Variants in LPIN1 observed in about 807,000 individuals in gnomAD.
LPIN1 encodes lipin 1, also known as phosphatidate phosphatase LPIN1.
A neutral mutation model predicts 107.5 loss-of-function variants in LPIN1; 71 were observed. The observed-to-expected ratio is 0.66, with a 90% CI of 0.55 to 0.80. LPIN1 has a LOEUF of 0.80. Among genes scored for constraint, LPIN1 ranks in the 30% least tolerant of loss-of-function variants. The pLI, the probability that LPIN1 is intolerant of heterozygous loss-of-function variation, is 0.00. For synonymous variants in LPIN1, 445 were observed against 452.6 expected, an observed-to-expected ratio of 0.98 and a Z score of 0.21; for missense variants, 1,043 against 1,160.6, an observed-to-expected ratio of 0.90 and a Z score of 1.47.
Position 11,803,512 on chromosome 2 carries a change from A to G in LPIN1, c.2013+479A>G, listed in dbSNP as rs1678141275. Among the ~76,000 whole-genome samples, 1 of 152,226 alleles carries G rather than the reference A, an allele frequency of 6.6e-6. No individual in the cohort carries two copies. Among genetic ancestry groups the G allele is most frequent in the Non-Finnish European group, 1.5e-5 (1 of 68,038 alleles). Reference sequence around the variant, plus strand: ...CTTTTATTTTTCTGTGTGTGAGACCAGTTTTAATTAAAAGCCCTTTCTTGG... The same window carrying G: ...CTTTTATTTTTCTGTGTGTGAGACCGGTTTTAATTAAAAGCCCTTTCTTGG... On this transcript the variant is annotated intron_variant, in intron 15 of 20. Coordinates refer to ENST00000674199, the MANE Select transcript of LPIN1 (RefSeq NM_001349206.2). The surrounding 1 kb of genome is among the most constrained non-coding windows in gnomAD (Gnocchi z 4.2).
intron 1 of LPIN1, among the ~76,000 whole-genome samples, chr2:11,700,012 A>G (rs1349240082): frequency 6.6e-6 from 1 of 152,232 alleles, no homozygotes. Flanking sequence ...CACCTGGCAC[A>G]GCCCTTGGCA....
chr2:11,723,895 T>G (rs1664347075), upstream of LPIN1: 1 of 152,232 alleles, frequency 6.6e-6, no homozygotes. Flanking sequence ...TCATTTTATC[T>G]CTCTGATTTA....
chr2:11,791,151 A>G (rs907272595), intron 12 of LPIN1, among the ~76,000 whole-genome samples: 6 of 152,114 alleles, frequency 3.9e-5, no homozygotes, highest in South Asian at 4.1e-4. Context: ...TACATAGTAA[A>G]TTACTTATCT....
intron 1 of LPIN1, among the ~76,000 whole-genome samples, chr2:11,760,937 AAGAG>A (rs1669727658): frequency 6.6e-6 from 1 of 152,116 alleles, no homozygotes; most frequent in Non-Finnish European, 1.5e-5. Context: ...ACAGAACCGA[AAGAG>A]AGGTCACTTC....
chr2:11,792,528 A>G (rs1223394275), intron 13 of LPIN1, among the ~76,000 whole-genome samples: 1 of 151,896 alleles, frequency 6.6e-6, no homozygotes. Context: ...GATTACAGCC[A>G]TGCACCACCA....
chr2:11,712,375 T>A (rs896753717), intron 1 of LPIN1, among the ~76,000 whole-genome samples: 1 of 152,208 alleles, frequency 6.6e-6, no homozygotes, highest in Admixed American at 6.5e-5. Context: ...CACAGGCAGA[T>A]GCTTGGCTGC....
chr2:11,713,320 G>A (rs1354430136), intron 1 of LPIN1, among the ~76,000 whole-genome samples: 1 of 152,198 alleles, frequency 6.6e-6, no homozygotes, highest in African/African-American at 2.4e-5. Context: ...GCTCAGGCTG[G>A]AGTGAAGTGG....
At chr2:11,778,219 C>T (rs965786843) in intron 6 of LPIN1, among the ~76,000 whole-genome samples, 3 of 152,202 alleles carry the variant, frequency 2.0e-5, no homozygotes, top group Non-Finnish European at 4.4e-5. Context: ...TGTCCCATTG[C>T]AGAAGCTCTC....
Position 11,826,329 on chromosome 2 carries a change from T to C in LPIN1, c.*1538T>C, listed in dbSNP as rs1224190909. 1 of 152,624 alleles carries C rather than the reference T, an allele frequency of 6.6e-6. No individual in the cohort carries two copies. The highest frequency in any genetic ancestry group is 1.5e-5 in the Non-Finnish European group (1 of 68,026). The allele number at this position is 152,624 out of a possible 1,614,324, so 9.5% of individuals were successfully genotyped here. On this transcript the variant is annotated 3_prime_UTR_variant, in exon 21 of 21. Transcript: ENST00000674199. ...TTGGATGCCTTTGCCAAATGGTTCA[T>C]GTGGACACACAAAGGCAAACAGATC...
intron 2 of LPIN1, among the ~76,000 whole-genome samples, chr2:11,716,885 G>C (rs752462913): frequency 6.6e-6 from 1 of 152,178 alleles, no homozygotes; most frequent in Non-Finnish European, 1.5e-5. Context: ...CACCATTCAC[G>C]TTGTGCCTCC....
intron 20 of LPIN1, among the ~76,000 whole-genome samples, chr2:11,821,973 C>G (rs1341486473): frequency 1.3e-5 from 2 of 152,200 alleles, no homozygotes; most frequent in Non-Finnish European, 2.9e-5. Context: ...TTTCTGCCAC[C>G]TCCACTGTTC....
upstream of LPIN1, among the ~76,000 whole-genome samples, chr2:11,720,061 C>T (rs576682375): frequency 7.2e-5 from 11 of 152,196 alleles, no homozygotes; most frequent in African/African-American, 2.4e-4. Flanking sequence ...TTGCTGGAGA[C>T]ATTATATATT....
intron 1 of LPIN1, chr2:11,681,609 C>G (rs1454980899): frequency 6.6e-6 from 1 of 152,414 alleles, no homozygotes; most frequent in Non-Finnish European, 1.5e-5. Context: ...TATAGCAGTG[C>G]GAGAACAGGC....
At position 11,771,741 on chromosome 2, in the gene LPIN1, T is replaced by A. The variant is rs546916784; in HGVS notation, c.596+62T>A. 6.8e-7 allele frequency: 1 copy of A among 1,468,360 alleles called. No individual in the cohort carries two copies. The highest frequency in any genetic ancestry group is 1.2e-5 in the South Asian group (1 of 80,406). 91.0% of individuals were successfully genotyped at this position (1,468,360 alleles called of 1,614,324 possible). A position where few individuals can be genotyped will look rare whatever the true frequency, so the allele number is the denominator to read the frequency against. ...TCAGACAGTTAACTGTTCAAGATTA[T>A]TTTTATGAACTTTTCCCCCATAATT... On this transcript the variant is annotated intron_variant, in intron 4 of 20. Transcript: ENST00000674199. This position sits in a 1 kb window ranked among gnomAD's most constrained non-coding sequence, Gnocchi z 4.8.
chr2:11,724,429 G>A lies in LPIN1; in HGVS notation c.-182G>A, dbSNP rs558687068. On this transcript the variant is annotated 5_prime_UTR_variant, in exon 1 of 22. Coordinates refer to the LPIN1 transcript ENST00000396097. ...GGAACAGGAGGGAAGAGAGATGAAG[G>A]GCAAGACCGGGGCCAGCCATGCCTG... is the stretch of plus-strand genomic sequence containing the variant. The A allele has an allele frequency of 2.8e-5, 28 of 984,656 alleles. No homozygotes were observed. The South Asian group carries it at 1.2e-3, about 41-fold the overall frequency. 61.0% of individuals were successfully genotyped at this position (984,656 alleles called of 1,614,324 possible). A position where few individuals can be genotyped will look rare whatever the true frequency, so the allele number is the denominator to read the frequency against.
At chr2:11,768,919 G>C (rs543712762) in intron 3 of LPIN1, among the ~76,000 whole-genome samples, 259 of 152,224 alleles carry the variant, frequency 1.7e-3, no homozygotes, top group African/African-American at 6.0e-3. Flanking sequence ...CTGGGTGTCA[G>C]AGCGAGGCTC....
intron 9 of LPIN1, 169 bp from the exon 10 acceptor site, chr2:11,784,717 G>A: frequency 1.4e-6 from 1 of 715,784 alleles, no homozygotes; most frequent in South Asian, 1.5e-5. Context: ...CTAAGCTAAG[G>A]CGTTTAATGT....
At chr2:11,789,335 G>T (rs923933254) in intron 12 of LPIN1, among the ~76,000 whole-genome samples, 32 of 152,040 alleles carry the variant, frequency 2.1e-4, no homozygotes, top group Non-Finnish European at 4.1e-4. Flanking sequence ...GTGCATACGT[G>T]CATGTGTATG....
Position 11,707,639 on chromosome 2 carries a change from G to A in LPIN1, c.82-6117G>A, listed in dbSNP as rs1345843296. Among the ~76,000 whole-genome samples the A allele has an allele frequency of 6.6e-6, 1 of 152,188 alleles. No homozygotes were observed. The highest frequency in any genetic ancestry group is 2.4e-5 in the African/African-American group (1 of 41,450). On this transcript the variant is annotated intron_variant, in intron 1 of 21. Coordinates refer to the LPIN1 transcript ENST00000449576. This position sits in a 1 kb window ranked among gnomAD's most constrained non-coding sequence, Gnocchi z 4.2. ...GCAGCGTGGCTGGGACTGGGTGGTG[G>A]TGCACGCACGGGGAGAAGTGCTCGG... is the stretch of plus-strand genomic sequence containing the variant.
Sources: allele counts gnomAD v4.1 joint callset (sites outside exome capture counted in the v4.1 genomes callset), GRCh38; gene constraint gnomAD v4.1.1; non-coding constraint Gnocchi (gnomAD v3.1); transcripts MANE v1.5; gene names NCBI Gene and HGNC (gene_info 2026-07-23, HGNC 2026-07-21).